MINDY4: variants seen among roughly 807,000 people sequenced by gnomAD.
MINDY4 encodes probable ubiquitin carboxyl-terminal hydrolase MINDY-4.
A neutral mutation model predicts 87.0 loss-of-function variants in MINDY4; 68 were observed. That is an observed-to-expected ratio of 0.78 (90% CI 0.64 to 0.96). MINDY4 has a LOEUF of 0.96. MINDY4 is among the 40% of genes least tolerant of loss of function. MINDY4 has a pLI of 0.00. For missense variants in MINDY4, 919 were observed against 928.2 expected (o/e 0.99, Z 0.13); for synonymous variants, 379 against 363.2 (o/e 1.04, Z -0.50).
rs1297009842 is a variant in MINDY4, at chr7:30,855,966, T to A, written c.1677+2507T>A. Among the ~76,000 whole-genome samples the A allele has an allele frequency of 2.6e-5, 4 of 152,166 alleles. No individual in the cohort carries two copies. In the East Asian group the frequency reaches 5.8e-4, roughly 22 times the overall value. ...TTTCATGGCCTGGGCCTAAGAGGGG[T>A]TCCTCGTGCCAGGCCTGGAAATGTA... On this transcript the variant is annotated intron_variant, in intron 12 of 17. Transcript: ENST00000265299.
intron 5 of MINDY4, among the ~76,000 whole-genome samples, chr7:30,827,727 A>C (rs1788554617): frequency 6.6e-6 from 1 of 152,192 alleles, no homozygotes; most frequent in Admixed American, 6.5e-5. Context: ...GTGTGTACTC[A>C]GAGATTTGGT....
chr7:30,809,916 G>A lies in MINDY4; in HGVS notation c.1073+18342G>A, dbSNP rs187377458. Among the ~76,000 whole-genome samples the A allele has an allele frequency of 6.4e-3, 968 of 152,186 alleles. 17 individuals carry two copies. Among genetic ancestry groups the A allele is most frequent in the African/African-American group, 0.021 (889 of 41,520 alleles). ...GTTTAGGCCGGGCGCAGTGGCTCAC[G>A]TCTGTAATCCCAGCCCTTTGGGAGG... On this transcript the variant is annotated intron_variant, in intron 5 of 17. Coordinates refer to ENST00000265299, the MANE Select transcript of MINDY4 (RefSeq NM_032222.3).
At chr7:30,843,056 C>A (rs1448883268) in intron 9 of MINDY4, among the ~76,000 whole-genome samples, 1 of 152,156 alleles carries the variant, frequency 6.6e-6, no homozygotes, top group African/African-American at 2.4e-5. Context: ...TACTGCCCAC[C>A]CCACTCCAGA....
At chr7:30,830,332 C>T (rs1296902875) in intron 6 of MINDY4, among the ~76,000 whole-genome samples, 1 of 152,094 alleles carries the variant, frequency 6.6e-6, no homozygotes, top group Non-Finnish European at 1.5e-5. Context: ...AAGCAGATGC[C>T]CAGCAGTGCT....
At chr7:30,859,718 G>A (rs894217443) in intron 13 of MINDY4, among the ~76,000 whole-genome samples, 1 of 152,186 alleles carries the variant, frequency 6.6e-6, no homozygotes, top group Admixed American at 6.5e-5. Flanking sequence ...GGAAGGCCTC[G>A]CTGTAGACCA....
chr7:30,794,386 A>C (rs951141002), intron 5 of MINDY4, among the ~76,000 whole-genome samples: 1 of 152,260 alleles, frequency 6.6e-6, no homozygotes, highest in East Asian at 1.9e-4. Context: ...CCATATGCAC[A>C]GAGCCAGCTC....
intron 5 of MINDY4, among the ~76,000 whole-genome samples, chr7:30,810,593 G>T (rs567206984): frequency 3.3e-5 from 5 of 152,032 alleles, no homozygotes; most frequent in Admixed American, 3.3e-4. Flanking sequence ...GTAAAAACAC[G>T]ACCGGTTTTT....
intron 1 of MINDY4, among the ~76,000 whole-genome samples, chr7:30,776,141 A>AG (rs1340229711): frequency 6.6e-6 from 1 of 152,052 alleles, no homozygotes; most frequent in African/African-American, 2.4e-5. Context: ...CCTACAGTTT[A>AG]TTTTCAACCT....
chr7:30,830,528 C>T (rs947562310), intron 6 of MINDY4, among the ~76,000 whole-genome samples: 8 of 152,264 alleles, frequency 5.3e-5, no homozygotes, highest in Non-Finnish European at 1.0e-4. Context: ...GCAAACATGT[C>T]CTTCTTCACA....
intron 5 of MINDY4, among the ~76,000 whole-genome samples, chr7:30,805,353 G>C (rs1448508662): frequency 3.9e-5 from 6 of 152,164 alleles, no homozygotes; most frequent in African/African-American, 1.4e-4. Flanking sequence ...AAGATGAGTT[G>C]TTTCTGGATA....
At chr7:30,789,386 T>C (rs1645037659) in intron 4 of MINDY4, among the ~76,000 whole-genome samples, 1 of 152,236 alleles carries the variant, frequency 6.6e-6, no homozygotes, top group Admixed American at 6.5e-5. Context: ...TGCTATAGAA[T>C]TTCGCCAGAT....
rs552204887 is a variant in MINDY4 at position 30,801,036 on chromosome 7, A to T, written c.1073+9462A>T. ...GGGGAGAGAGACAAGTGCATCCCAA[A>T]CTCTCCCAGGTCCTCTAGAGCCTCT... is the stretch of plus-strand genomic sequence containing the variant. On this transcript the variant is annotated intron_variant, in intron 5 of 17. Transcript: ENST00000265299. Among the ~76,000 whole-genome samples the T allele has an allele frequency of 2.0e-5, 3 of 151,978 alleles. No individual in the cohort carries two copies. In the East Asian group the frequency reaches 5.8e-4, roughly 29 times the overall value.
chr7:30,855,142 T>G (rs1789533357), intron 12 of MINDY4, among the ~76,000 whole-genome samples: 1 of 152,236 alleles, frequency 6.6e-6, no homozygotes, highest in East Asian at 1.9e-4. Context: ...GGGGCCCCCT[T>G]TGGCTTATTC....
chr7:30,875,577 A>G lies in MINDY4; in HGVS notation c.1892A>G (p.Asn631Ser). 1.2e-6 allele frequency: 2 copies of G among 1,614,214 alleles called. No homozygotes were observed. Among genetic ancestry groups the G allele is most frequent in the Non-Finnish European group, 1.7e-6 (2 of 1,180,036 alleles). The change falls in exon 15 of 18, where the codon AAC (asparagine) becomes AGC (serine). Residue 631 changes from asparagine (N) to serine (S), a missense_variant. By Grantham distance (46) the Asn-to-Ser change is conservative (BLOSUM62 1). Coordinates refer to ENST00000265299, the MANE Select transcript of MINDY4 (RefSeq NM_032222.3). ...GTTGAGCTGGATTCTGGGGATGGGA[A>G]CATCACACTTCTCAGAGGCATTGCT... ...DVVELDSGDG[N>S]ITLLRGIAAR...
At chr7:30,885,085 C>T (rs1790588015) in intron 17 of MINDY4, among the ~76,000 whole-genome samples, 1 of 152,236 alleles carries the variant, frequency 6.6e-6, no homozygotes, top group African/African-American at 2.4e-5. Flanking sequence ...GCCCCACCAT[C>T]TCCTTGAGCA....
chr7:30,800,012 G>A (rs1746671323), intron 5 of MINDY4, among the ~76,000 whole-genome samples: 1 of 152,162 alleles, frequency 6.6e-6, no homozygotes, highest in South Asian at 2.1e-4. Context: ...CCATCCTGGA[G>A]TGGGGCGGGC....
intron 5 of MINDY4, among the ~76,000 whole-genome samples, chr7:30,810,174 C>CAAA (rs58498956): frequency 0.08 from 5,322 of 66,628 alleles, 674 homozygotes; most frequent in African/African-American, 0.16. Context: ...GACTCTGTTT[C>CAAA]AAAAAAAAAA....
intron 2 of MINDY4, chr7:30,780,059 C>A (rs147036965): frequency 6.6e-6 from 1 of 152,212 alleles, no homozygotes; most frequent in Non-Finnish European, 1.5e-5. Context: ...GAGAAGTAGG[C>A]AATGGCAGCC....
At chr7:30,875,707 G>A (rs910928268) in intron 15 of MINDY4, 51 bp downstream of exon 15, 2 of 1,547,372 alleles carry the variant, frequency 1.3e-6, no homozygotes, top group Non-Finnish European at 1.7e-6. Context: ...ACTCTCTGGA[G>A]CAATGAGGAG....
Sources: allele counts gnomAD v4.1 joint callset (sites outside exome capture counted in the v4.1 genomes callset), GRCh38; gene constraint gnomAD v4.1.1; transcripts MANE v1.5; gene names NCBI Gene and HGNC (gene_info 2026-07-23, HGNC 2026-07-21).